The following NRBP1 variants were observed in gnomAD, a reference collection of about 807,000 sequenced individuals.
NRBP1 encodes the protein nuclear receptor binding protein 1.
A neutral mutation model predicts 76.0 loss-of-function variants in NRBP1; 10 were observed. That is an observed-to-expected ratio of 0.13 (90% CI 0.08 to 0.22). The LOEUF (loss-of-function observed/expected upper bound fraction) is 0.22. NRBP1 is among the 10% of genes least tolerant of loss of function. The pLI, the probability that NRBP1 is intolerant of heterozygous loss-of-function variation, is 1.00. For synonymous variants in NRBP1, 235 were observed against 240.2 expected (o/e 0.98, Z 0.20); for missense variants, 344 against 646.0 (o/e 0.53, Z 5.07).
At chr2:27,439,724 G>A in intron 10 of NRBP1, 42 bp from the exon 11 acceptor site, 1 of 1,611,796 alleles carries the variant, frequency 6.2e-7, no homozygotes, top group Non-Finnish European at 8.5e-7. Flanking sequence ...CACACTGGGG[G>A]CTTGCCAGAT....
intron 4 of NRBP1, 99 bp from the exon 5 acceptor site, chr2:27,434,372 G>T: frequency 1.1e-6 from 1 of 910,950 alleles, no homozygotes; most frequent in Non-Finnish European, 1.8e-6. Context: ...AAGAACAAAA[G>T]GAGAGAAATT....
intron 10 of NRBP1, among the ~76,000 whole-genome samples, chr2:27,438,591 G>C (rs966491173): frequency 6.6e-6 from 1 of 152,184 alleles, no homozygotes; most frequent in Non-Finnish European, 1.5e-5. Context: ...GAAAGATTAG[G>C]TATGTGACCT....
Position 27,440,474 on chromosome 2 carries a change from C to T in NRBP1, c.1108C>T (p.Pro370Ser). The change falls in exon 12 of 18, where the codon CCT becomes TCT. Residue 370 changes from proline to serine, a missense_variant. Physicochemically the swap from Pro to Ser is moderately conservative, Grantham distance 74. This residue lies in a region of NRBP1 where 218 missense variants were observed against 309.8 expected (regional missense o/e 0.70). Coordinates refer to ENST00000379852, the MANE Select transcript of NRBP1 (RefSeq NM_013392.4). ...TACTAGTGCCGTACTGGCTGAAATC[C>T]CTGCAGGACCAGGAAGAGAACCAGT... Reference protein sequence around the residue: ...MDTSAVLAEIPAGPGREPVQT... With the variant: ...MDTSAVLAEISAGPGREPVQT... 1.2e-6 allele frequency: 2 copies of T among 1,614,078 alleles called. No individual in the cohort carries two copies. The highest frequency in any genetic ancestry group is 1.7e-5 in the Admixed American group (1 of 60,010).
chr2:27,428,951 C>T (rs1572682744), intron 1 of NRBP1, among the ~76,000 whole-genome samples: 1 of 149,344 alleles, frequency 6.7e-6, no homozygotes, highest in East Asian at 2.1e-4. Flanking sequence ...TCTGGCTTGG[C>T]GGCGGCGCCC....
At chr2:27,428,278 G>C (rs1663939980), upstream of NRBP1, 1 of 173,828 alleles carries the variant, frequency 5.8e-6, no homozygotes, top group South Asian at 2.0e-4. Flanking sequence ...CGCTCCTCTC[G>C]GACTGAGGCT....
chr2:27,429,877 C>G (rs1334244945), intron 1 of NRBP1, among the ~76,000 whole-genome samples: 1 of 152,148 alleles, frequency 6.6e-6, no homozygotes, highest in Non-Finnish European at 1.5e-5. Flanking sequence ...TATTAGAATT[C>G]TACTGTTATT....
Position 27,441,629 on chromosome 2 carries a change from T to G in NRBP1, c.1503+7T>G. 1 of 1,611,072 alleles carries G rather than the reference T, an allele frequency of 6.2e-7. No individual in the cohort carries two copies. The highest frequency in any genetic ancestry group is 8.5e-7 in the Non-Finnish European group (1 of 1,177,518). On this transcript the variant is annotated splice_region_variant and intron_variant, in intron 17 of 17. Coordinates refer to ENST00000379852, the MANE Select transcript of NRBP1 (RefSeq NM_013392.4). Reference sequence around the variant, plus strand: ...GCTGGGCTTCATTAGTGAGGTGAGGTTTCTGCCTTCATCTGCCCTGGCTGC... The same window carrying G: ...GCTGGGCTTCATTAGTGAGGTGAGGGTTCTGCCTTCATCTGCCCTGGCTGC...
intron 1 of NRBP1, among the ~76,000 whole-genome samples, chr2:27,431,243 T>G (rs1664104493): frequency 6.6e-6 from 1 of 152,174 alleles, no homozygotes; most frequent in African/African-American, 2.4e-5. Flanking sequence ...GAGGTTGCAG[T>G]GAGCCGAGAT....
chr2:27,435,323 T>TGAGGTGTGGGCTGGTGAGAA (rs1283823801), intron 7 of NRBP1, 96 bp downstream of exon 7: 3 of 1,010,268 alleles, frequency 3.0e-6, no homozygotes, highest in Non-Finnish European at 4.5e-6. Context: ...AGCAAAATTC[T>TGAGGTGTGGGCTGGTGAGAA]GAGGTGTGGG....
intron 1 of NRBP1, chr2:27,431,903 C>T: frequency 6.6e-6 from 1 of 152,480 alleles, no homozygotes; most frequent in East Asian, 1.9e-4. Flanking sequence ...AGCTGGAGTG[C>T]AGTGGCACGA....
At chr2:27,430,348 G>T (rs1664055729) in intron 1 of NRBP1, among the ~76,000 whole-genome samples, 1 of 152,144 alleles carries the variant, frequency 6.6e-6, no homozygotes, top group Admixed American at 6.5e-5. Flanking sequence ...GGGCATCAGA[G>T]AGTTCTAAAA....
chr2:27,433,916 G>T (rs1664205068), intron 3 of NRBP1, 73 bp from the exon 4 acceptor site: 11 of 1,593,650 alleles, frequency 6.9e-6, no homozygotes, highest in Non-Finnish European at 9.5e-6. Flanking sequence ...TCTGGGGAGG[G>T]ATAGGGAATG....
intron 7 of NRBP1, chr2:27,435,528 G>A: frequency 4.7e-6 from 3 of 634,762 alleles, no homozygotes; most frequent in South Asian, 1.8e-5. Context: ...GCCAGACCCT[G>A]CCAGAGGAGG....
At chr2:27,430,224 A>C in intron 1 of NRBP1, among the ~76,000 whole-genome samples, 1 of 152,178 alleles carries the variant, frequency 6.6e-6, no homozygotes, top group East Asian at 1.9e-4. Context: ...ATATCTTGCC[A>C]GATTTCCTCT....
chr2:27,439,484 CAAA>C (rs70953858), intron 10 of NRBP1, among the ~76,000 whole-genome samples: 1 of 66,668 alleles, frequency 1.5e-5, no homozygotes. Flanking sequence ...GACTCCGTCT[CAAA>C]AAAAAAAAAA....
chr2:27,437,830 G>A (rs527900322), intron 10 of NRBP1, among the ~76,000 whole-genome samples: 8 of 151,412 alleles, frequency 5.3e-5, no homozygotes, highest in Middle Eastern at 3.4e-3. Flanking sequence ...CTGAGATCGC[G>A]CCACTGCACT....
intron 7 of NRBP1, chr2:27,436,090 G>A (rs551457122): frequency 4.4e-5 from 19 of 427,858 alleles, no homozygotes; most frequent in African/African-American, 1.6e-4. Flanking sequence ...CTGGTTCCTC[G>A]TTCAGCTCTG....
chr2:27,434,622 C>T, intron 5 of NRBP1, 62 bp downstream of exon 5: 2 of 1,590,688 alleles, frequency 1.3e-6, no homozygotes, highest in Admixed American at 1.7e-5. Flanking sequence ...AAAAAGGACT[C>T]TGTTAATAAT....
intron 11 of NRBP1, among the ~76,000 whole-genome samples, chr2:27,440,134 C>T (rs1664477281): frequency 6.6e-6 from 1 of 150,942 alleles, no homozygotes; most frequent in Non-Finnish European, 1.5e-5. Flanking sequence ...GCCTTAGCCT[C>T]CCGAAGAGCT....
Sources: allele counts gnomAD v4.1 joint callset (sites outside exome capture counted in the v4.1 genomes callset), GRCh38; gene constraint gnomAD v4.1.1; regional missense constraint gnomAD v4.1.1; transcripts MANE v1.5; gene names NCBI Gene and HGNC (gene_info 2026-07-23, HGNC 2026-07-21).